The following EBF1 variants were observed in gnomAD, a reference collection of about 807,000 sequenced individuals.
EBF1 encodes EBF transcription factor 1.
A neutral mutation model predicts 68.4 loss-of-function variants in EBF1; 10 were observed. That is an observed-to-expected ratio of 0.15 (90% CI 0.09 to 0.25). The LOEUF is 0.25. EBF1 is among the 10% of genes least tolerant of loss of function. EBF1 has a pLI of 1.00. For missense variants in EBF1, 509 were observed against 794.4 expected, an observed-to-expected ratio of 0.64 and a Z score of 4.32; for synonymous variants, 298 against 299.8, an observed-to-expected ratio of 0.99 and a Z score of 0.06.
intron 6 of EBF1, among the ~76,000 whole-genome samples, chr5:158,930,856 A>G (rs973513834): frequency 3.9e-5 from 6 of 151,958 alleles, no homozygotes; most frequent in African/African-American, 1.5e-4. Context: ...CTGCAATTCA[A>G]AATGGTCTCC....
At chr5:158,821,772 G>T (rs1222197627) in intron 8 of EBF1, among the ~76,000 whole-genome samples, 1 of 152,166 alleles carries the variant, frequency 6.6e-6, no homozygotes, top group Non-Finnish European at 1.5e-5. Flanking sequence ...ATGTAATCAT[G>T]AGCAGGTGTT....
chr5:158,818,961 A>C (rs1043894808), intron 8 of EBF1, among the ~76,000 whole-genome samples: 8 of 151,984 alleles, frequency 5.3e-5, no homozygotes, highest in African/African-American at 1.9e-4. Flanking sequence ...GATCTAAAGA[A>C]TACCCTACTG....
chr5:158,885,429 A>G (rs909872550), intron 6 of EBF1, among the ~76,000 whole-genome samples: 2 of 152,226 alleles, frequency 1.3e-5, no homozygotes, highest in Admixed American at 6.5e-5. Flanking sequence ...TTAATGACAG[A>G]CTAAATAAGG....
At chr5:158,824,598 CCG>C (rs1389697802) in intron 7 of EBF1, among the ~76,000 whole-genome samples, 1 of 152,222 alleles carries the variant, frequency 6.6e-6, no homozygotes, top group Non-Finnish European at 1.5e-5. Flanking sequence ...AAGAGGTGAA[CCG>C]CTTTACAAGG....
At chr5:159,041,914 C>T (rs961792282) in intron 6 of EBF1, among the ~76,000 whole-genome samples, 3 of 152,198 alleles carry the variant, frequency 2.0e-5, no homozygotes, top group Non-Finnish European at 4.4e-5. Context: ...GATTTAACTA[C>T]TCACTTTTGC....
chr5:158,718,269 G>A (rs556380507), intron 11 of EBF1, among the ~76,000 whole-genome samples: 4 of 152,158 alleles, frequency 2.6e-5, no homozygotes, highest in East Asian at 1.9e-4. Flanking sequence ...AAAGATTGTC[G>A]CCATCACTTG....
intron 7 of EBF1, among the ~76,000 whole-genome samples, chr5:158,829,983 A>G (rs1787147788): frequency 6.6e-6 from 1 of 152,240 alleles, no homozygotes; most frequent in African/African-American, 2.4e-5. Flanking sequence ...CTCAACTAGC[A>G]GTTTTACATG....
chr5:158,700,391 A>G (rs1176895318), intron 15 of EBF1, among the ~76,000 whole-genome samples: 1 of 152,240 alleles, frequency 6.6e-6, no homozygotes, highest in Non-Finnish European at 1.5e-5. Flanking sequence ...TGTCAGGCAG[A>G]GAGAGTCATT....
At chr5:158,769,000 A>G (rs987965639) in intron 10 of EBF1, among the ~76,000 whole-genome samples, 1 of 152,168 alleles carries the variant, frequency 6.6e-6, no homozygotes, top group Non-Finnish European at 1.5e-5. Flanking sequence ...TATACAGCTC[A>G]GTTCCTACTT....
At chr5:158,930,562 G>A (rs372219354) in intron 6 of EBF1, among the ~76,000 whole-genome samples, 6 of 152,124 alleles carry the variant, frequency 3.9e-5, no homozygotes, top group African/African-American at 1.4e-4. Flanking sequence ...GAACAAGAAT[G>A]GGATACTTTG....
At chr5:158,962,156 A>G (rs565271646) in intron 6 of EBF1, among the ~76,000 whole-genome samples, 40 of 152,346 alleles carry the variant, frequency 2.6e-4, no homozygotes, top group Admixed American at 1.2e-3. Flanking sequence ...GTATGCTTCC[A>G]AAATACGTAA....
chr5:158,729,395 G>A (rs1763621364), intron 11 of EBF1, among the ~76,000 whole-genome samples: 1 of 148,970 alleles, frequency 6.7e-6, no homozygotes, highest in African/African-American at 2.4e-5. Context: ...TGGGAACAAT[G>A]GGAAGAATCT....
chr5:158,829,949 G>T (rs996828865), intron 7 of EBF1, among the ~76,000 whole-genome samples: 1 of 152,184 alleles, frequency 6.6e-6, no homozygotes, highest in South Asian at 2.1e-4. Flanking sequence ...GGAAACTCTG[G>T]TTATCTCATC....
intron 6 of EBF1, among the ~76,000 whole-genome samples, chr5:158,986,172 T>A (rs1386082944): frequency 6.6e-6 from 1 of 152,200 alleles, no homozygotes; most frequent in Non-Finnish European, 1.5e-5. Context: ...ACAGCATGAT[T>A]TCTGTCCTTC....
chr5:158,827,162 TG>T (rs1049948632), intron 7 of EBF1, among the ~76,000 whole-genome samples: 3 of 152,154 alleles, frequency 2.0e-5, no homozygotes, highest in South Asian at 2.1e-4. Flanking sequence ...TGTCAATTTG[TG>T]GGTGATGTTA....
intron 6 of EBF1, among the ~76,000 whole-genome samples, chr5:158,981,483 C>T (rs1172272414): frequency 6.6e-6 from 1 of 152,130 alleles, no homozygotes; most frequent in East Asian, 1.9e-4. Context: ...GAGGTTCTCT[C>T]TGCTTTAGGG....
chr5:158,884,360 A>C (rs1799574192), intron 6 of EBF1, among the ~76,000 whole-genome samples: 1 of 152,198 alleles, frequency 6.6e-6, no homozygotes, highest in African/African-American at 2.4e-5. Flanking sequence ...AGAAATATGA[A>C]TCTAGGGAGT....
chr5:158,834,553 A>G (rs1180860021), intron 7 of EBF1, among the ~76,000 whole-genome samples: 1 of 152,132 alleles, frequency 6.6e-6, no homozygotes, highest in Non-Finnish European at 1.5e-5. Context: ...GGTTTATTCC[A>G]TACTGCCTTA....
chr5:158,812,449 T>A (rs1246689663), intron 8 of EBF1, among the ~76,000 whole-genome samples: 1 of 152,102 alleles, frequency 6.6e-6, no homozygotes, highest in Non-Finnish European at 1.5e-5. Context: ...TTAGCACCAG[T>A]AAGCTCCCCC....
Sources: allele counts gnomAD v4.1 joint callset (sites outside exome capture counted in the v4.1 genomes callset), GRCh38; gene constraint gnomAD v4.1.1; transcripts MANE v1.5; gene names NCBI Gene and HGNC (gene_info 2026-07-23, HGNC 2026-07-21).